The following WWOX variants were observed in gnomAD, a reference collection of about 807,000 sequenced individuals.
WWOX encodes WW domain containing oxidoreductase.
In WWOX, 69 loss-of-function variants were observed where a neutral mutation model predicts 46.2. That is an observed-to-expected ratio of 1.49 (90% CI 1.23 to 1.82). The LOEUF (loss-of-function observed/expected upper bound fraction) is 1.82. WWOX is among the 40% of genes most tolerant of loss of function. The pLI is 0.00. For missense variants in WWOX, 919 were observed against 542.6 expected (o/e 1.69, Z -6.89); for synonymous variants, 359 against 202.6 (o/e 1.77, Z -6.56).
At chr16:78,845,274 C>G (rs2052269607) in intron 8 of WWOX, among the ~76,000 whole-genome samples, 2 of 151,766 alleles carry the variant, frequency 1.3e-5, no homozygotes, top group South Asian at 2.1e-4. Context: ...GACTACATGG[C>G]TAATTTATTT....
chr16:78,542,354 A>G (rs2043919138), intron 8 of WWOX, among the ~76,000 whole-genome samples: 1 of 152,150 alleles, frequency 6.6e-6, no homozygotes. Context: ...CATCATGTAG[A>G]ATCTGAAAAT....
At chr16:78,317,296 T>C (rs1353167792) in intron 5 of WWOX, among the ~76,000 whole-genome samples, 3 of 152,194 alleles carry the variant, frequency 2.0e-5, no homozygotes, top group Non-Finnish European at 4.4e-5. Flanking sequence ...TCTCTCTCTG[T>C]CTCTGTTTCT....
chr16:78,271,204 A>T (rs1009101498), intron 5 of WWOX, among the ~76,000 whole-genome samples: 1 of 152,110 alleles, frequency 6.6e-6, no homozygotes, highest in Non-Finnish European at 1.5e-5. Context: ...ATGATTTCGT[A>T]TGTTATCCCA....
intron 8 of WWOX, among the ~76,000 whole-genome samples, chr16:78,532,785 C>T (rs2043653907): frequency 6.6e-6 from 1 of 152,094 alleles, no homozygotes; most frequent in African/African-American, 2.4e-5. Context: ...GTGAGAACAC[C>T]TTGGGAAAGA....
intron 8 of WWOX, among the ~76,000 whole-genome samples, chr16:78,741,043 A>G (rs578237869): frequency 5.4e-4 from 82 of 152,284 alleles, no homozygotes; most frequent in Non-Finnish European, 8.8e-4. Flanking sequence ...AGTGGCCAGC[A>G]AAGTCCCTGT....
chr16:78,264,416 A>T (rs2079317140), intron 5 of WWOX: 1 of 151,904 alleles, frequency 6.6e-6, no homozygotes, highest in African/African-American at 2.4e-5. Context: ...CCCTCTTTTT[A>T]AACAAAATAT....
At chr16:78,239,953 C>T (rs1269645429) in intron 5 of WWOX, among the ~76,000 whole-genome samples, 2 of 151,878 alleles carry the variant, frequency 1.3e-5, no homozygotes, top group African/African-American at 2.4e-5. Flanking sequence ...TGCTCCGGTT[C>T]TAAGCCAGTT....
At chr16:78,929,818 C>A (rs1011368975) in intron 8 of WWOX, among the ~76,000 whole-genome samples, 1 of 152,208 alleles carries the variant, frequency 6.6e-6, no homozygotes, top group Non-Finnish European at 1.5e-5. Context: ...CCAAGAAAGA[C>A]TGGGTTTCAG....
chr16:78,658,462 T>C (rs2047131472), intron 8 of WWOX, among the ~76,000 whole-genome samples: 1 of 152,162 alleles, frequency 6.6e-6, no homozygotes, highest in Non-Finnish European at 1.5e-5. Context: ...CTAGATAGCT[T>C]GAAACAACAG....
At chr16:78,451,283 G>C (rs1402717454) in intron 8 of WWOX, among the ~76,000 whole-genome samples, 8 of 151,042 alleles carry the variant, frequency 5.3e-5, no homozygotes, top group African/African-American at 1.9e-4. Context: ...TACAATAGGA[G>C]ATTCACTGTG....
chr16:78,598,008 A>C (rs2045531546), intron 8 of WWOX, among the ~76,000 whole-genome samples: 1 of 152,136 alleles, frequency 6.6e-6, no homozygotes, highest in East Asian at 1.9e-4. Flanking sequence ...GCTTATTAGA[A>C]TATGATAAAG....
At chr16:78,749,508 TTTG>T (rs1192597555) in intron 8 of WWOX, among the ~76,000 whole-genome samples, 4 of 152,202 alleles carry the variant, frequency 2.6e-5, no homozygotes, top group African/African-American at 7.2e-5. Flanking sequence ...CATTTAATGT[TTTG>T]TTGTTGTTAC....
intron 8 of WWOX, among the ~76,000 whole-genome samples, chr16:78,601,709 C>T (rs546800559): frequency 6.6e-6 from 1 of 152,246 alleles, no homozygotes; most frequent in East Asian, 1.9e-4. Context: ...TCATAATCAG[C>T]AGAAGTCTTT....
intron 8 of WWOX, among the ~76,000 whole-genome samples, chr16:78,587,193 C>G (rs2045228679): frequency 8.9e-6 from 1 of 112,908 alleles, no homozygotes; most frequent in African/African-American, 3.4e-5. Context: ...GCCTGGCTAA[C>G]TTTTTTTTTT....
At chr16:78,954,452 T>C (rs1034770393) in intron 8 of WWOX, among the ~76,000 whole-genome samples, 1 of 152,206 alleles carries the variant, frequency 6.6e-6, no homozygotes, top group Non-Finnish European at 1.5e-5. Context: ...CATGGATAGA[T>C]GAATGGTGAA....
At chr16:78,128,405 G>T (rs1305512695) in intron 4 of WWOX, among the ~76,000 whole-genome samples, 1 of 152,154 alleles carries the variant, frequency 6.6e-6, no homozygotes, top group Non-Finnish European at 1.5e-5. Context: ...AATAAGAAGG[G>T]AACCTGCAGA....
intron 8 of WWOX, among the ~76,000 whole-genome samples, chr16:78,528,417 A>G (rs2043535431): frequency 6.6e-6 from 1 of 151,982 alleles, no homozygotes; most frequent in African/African-American, 2.4e-5. Context: ...AAGCCCATCC[A>G]GAAAGTGGCT....
chr16:78,687,877 G>C (rs191923124), intron 8 of WWOX, among the ~76,000 whole-genome samples: 29 of 152,178 alleles, frequency 1.9e-4, no homozygotes, highest in Middle Eastern at 6.8e-3. Context: ...TTAAAAATTA[G>C]CTAGAAACGC....
chr16:78,841,793 A>C lies in WWOX; in HGVS notation c.1057-369815A>C, dbSNP rs940383732. Among the ~76,000 whole-genome samples the C allele has an allele frequency of 2.0e-5, 3 of 152,212 alleles. No individual in the cohort carries two copies. The South Asian group carries it at 6.2e-4, about 32-fold the overall frequency. On this transcript the variant is annotated intron_variant, in intron 8 of 8. Coordinates refer to ENST00000566780, the MANE Select transcript of WWOX (RefSeq NM_016373.4). ...ATGTTTTCTTTAAAAAAAATTTATG[A>C]CATATTACTTTTGCTAATTATGTGT...
Sources: gnomAD v4.1 joint callset for allele counts (sites outside exome capture counted in the v4.1 genomes callset) on GRCh38, gnomAD v4.1.1 for gene constraint, MANE v1.5 for transcripts, NCBI Gene and HGNC (gene_info 2026-07-23, HGNC 2026-07-21) for gene names.